LAMA1: variants seen among roughly 807,000 people sequenced by gnomAD.
LAMA1 encodes laminin subunit alpha-1.
Under a neutral mutation model 348.7 loss-of-function variants are expected in LAMA1, and 219 were observed. That is an observed-to-expected ratio of 0.63 (90% CI 0.56 to 0.70). The LOEUF is 0.70. Ranked by LOEUF, LAMA1 falls within the 30% of genes least tolerant of loss-of-function variation. The probability of loss-of-function intolerance (pLI) is 0.00; values close to 1 mark genes in which losing one functional copy is unlikely to be tolerated. For synonymous variants in LAMA1, 1,487 were observed against 1,491.0 expected, an observed-to-expected ratio of 1.00 and a Z score of 0.06; for missense variants, 3,744 against 3,888.0, an observed-to-expected ratio of 0.96 and a Z score of 0.99.
chr18:7,097,141 A>G (rs2058264588), intron 1 of LAMA1, among the ~76,000 whole-genome samples: 1 of 152,208 alleles, frequency 6.6e-6, no homozygotes, highest in African/African-American at 2.4e-5. Context: ...AGTAGGGTGC[A>G]TGCAACCGAT....
At chr18:7,018,628 C>A (rs1463167499) in intron 19 of LAMA1, among the ~76,000 whole-genome samples, 1 of 152,048 alleles carries the variant, frequency 6.6e-6, no homozygotes. Flanking sequence ...ATCTCCTGAC[C>A]TTGTGATCTG....
At position 6,978,338 on chromosome 18, in the gene LAMA1, C is replaced by T. The variant is rs545116059; in HGVS notation, c.6048G>A (p.Thr2016=). ...DKGAKTKELA[T]SASQSAVSTL... is the part of the protein sequence containing the mutation. ...TGCTCACCGCGCTCTGGCTTGCAGA[C>T]GTGGCCAGCTCTTTGGTTTTGGCTC... is the stretch of plus-strand genomic sequence containing the variant. Residue 2016 remains threonine (T), a synonymous_variant, in exon 43 of 63, where the codon ACG becomes ACA. Coordinates refer to ENST00000389658, the MANE Select transcript of LAMA1 (RefSeq NM_005559.4). 20 of 1,614,158 alleles carry T rather than the reference C, an allele frequency of 1.2e-5. No individual in the cohort carries two copies. The highest frequency in any genetic ancestry group is 1.6e-4 in the Middle Eastern group (1 of 6,062).
rs550078291 is a variant in LAMA1, at chr18:7,115,389, A to G, written c.61+2271T>C. Among the ~76,000 whole-genome samples, 13 of 152,246 alleles carry G rather than the reference A, an allele frequency of 8.5e-5. No individual in the cohort carries two copies. The South Asian group carries it at 2.1e-3, about 24-fold the overall frequency. On this transcript the variant is annotated intron_variant, in intron 1 of 62. Transcript: ENST00000389658. ...TTAACACATTATTTTTACAAACACA[A>G]TACGTCCTATTCAATACTTAGGAGG...
chr18:6,951,957 G>A (rs2057548874), intron 57 of LAMA1, among the ~76,000 whole-genome samples: 1 of 152,188 alleles, frequency 6.6e-6, no homozygotes, highest in African/African-American at 2.4e-5. Context: ...GGGGTGATGA[G>A]GCCCAGGAGA....
intron 3 of LAMA1, among the ~76,000 whole-genome samples, chr18:7,064,792 A>G (rs1344843581): frequency 6.6e-6 from 1 of 152,200 alleles, no homozygotes; most frequent in Non-Finnish European, 1.5e-5. Context: ...ATATCTTCTG[A>G]TTACATACCA....
intron 3 of LAMA1, among the ~76,000 whole-genome samples, chr18:7,060,709 A>C (rs1027550826): frequency 2.6e-5 from 4 of 152,222 alleles, no homozygotes; most frequent in Admixed American, 2.6e-4. Flanking sequence ...GGTAATCTGA[A>C]GATAGGAAAG....
chr18:7,037,902 A>G (rs750672751), intron 11 of LAMA1, 151 bp from the exon 12 acceptor site: 3 of 776,992 alleles, frequency 3.9e-6, no homozygotes, highest in Non-Finnish European at 6.5e-6. Flanking sequence ...GCTGAACCTC[A>G]TGACCCTTGA....
Position 6,992,671 on chromosome 18 carries a change from T to C in LAMA1, c.5058A>G (p.Leu1686=). Reference sequence around the variant, plus strand: ...TGTTCTGAAGAGTAGAATTGGGTAGTAGGAAATCTTCATCCAAAGTCTGAT... The same window carrying C: ...TGTTCTGAAGAGTAGAATTGGGTAGCAGGAAATCTTCATCCAAAGTCTGAT... ...TLNQTLDEDF[L]LPNSTLQNMQ... is the part of the protein sequence containing the mutation. Residue 1686 remains leucine, a synonymous_variant, in exon 36 of 63, where the codon CTA becomes CTG. Coordinates refer to ENST00000389658, the MANE Select transcript of LAMA1 (RefSeq NM_005559.4). 2.5e-6 allele frequency: 4 copies of C among 1,613,626 alleles called. No homozygotes were observed. The highest frequency in any genetic ancestry group is 3.4e-6 in the Non-Finnish European group (4 of 1,179,488).
rs766946403 is a variant in LAMA1 at position 7,035,965 on chromosome 18, G to C, written c.1839+22C>G. 7.6e-6 allele frequency: 12 copies of C among 1,587,146 alleles called. No individual in the cohort carries two copies. The Admixed American group carries it at 1.8e-4, about 24-fold the overall frequency. ...CCACTAAGCCCTAAGCTCTATAGCA[G>C]AATCAAAGCAAAAACAATCACCTTA... On this transcript the variant is annotated intron_variant, in intron 13 of 62. Transcript: ENST00000389658.
At chr18:6,947,383 C>T in intron 60 of LAMA1, 87 bp from the exon 61 acceptor site, 1 of 1,537,326 alleles carries the variant, frequency 6.5e-7, no homozygotes, top group Non-Finnish European at 8.9e-7. Context: ...GGTTGGGGGA[C>T]CTGGCTCTAG....
Position 6,943,249 on chromosome 18 carries a change from C to G in LAMA1, c.8998G>C (p.Ala3000Pro), listed in dbSNP as rs369082897. The change falls in exon 62 of 63, where the codon GCT becomes CCT. Residue 3000 changes from alanine to proline, a missense_variant. Ala to Pro is a conservative substitution (Grantham distance 27). Coordinates refer to ENST00000389658, the MANE Select transcript of LAMA1 (RefSeq NM_005559.4). ...TLIVDGNAVG[A>P]ESPHTQSTSV... ...GTAGACTGGGTGTGTGGACTTTCAG[C>G]GCCAACTGCGTTCCCGTCAACAATC... 1 of 1,614,170 alleles carries G rather than the reference C, an allele frequency of 6.2e-7. No individual in the cohort carries two copies. The highest frequency in any genetic ancestry group is 2.2e-5 in the East Asian group (1 of 44,880).
In LAMA1 at chr18:6,952,343, G is replaced by A. The variant is rs1364738496; in HGVS notation, c.8208-1372C>T. Reference sequence around the variant, plus strand: ...AGTAACTCTCTCAAGAGCAGCTGGGGGTGTGCGGGAGGCTGACCGGATGGT... The same window carrying A: ...AGTAACTCTCTCAAGAGCAGCTGGGAGTGTGCGGGAGGCTGACCGGATGGT... On this transcript the variant is annotated intron_variant, in intron 57 of 62. Coordinates refer to ENST00000389658, the MANE Select transcript of LAMA1 (RefSeq NM_005559.4). Among the ~76,000 whole-genome samples the A allele has an allele frequency of 5.9e-5, 9 of 152,318 alleles. No individual in the cohort carries two copies. In the South Asian group the frequency reaches 1.4e-3, roughly 25 times the overall value.
chr18:7,029,264 T>A (rs1478569227), intron 16 of LAMA1, among the ~76,000 whole-genome samples: 1 of 152,210 alleles, frequency 6.6e-6, no homozygotes, highest in Non-Finnish European at 1.5e-5. Context: ...TCCCAGGTGA[T>A]GCCCACACTG....
At chr18:6,997,297 C>T (rs976217717) in intron 33 of LAMA1, among the ~76,000 whole-genome samples, 23 of 152,168 alleles carry the variant, frequency 1.5e-4, no homozygotes, top group Admixed American at 4.6e-4. Context: ...CTCTTGACCT[C>T]GTGATCCACC....
At chr18:7,032,299 A>G in intron 15 of LAMA1, 123 bp from the exon 16 acceptor site, 1 of 716,558 alleles carries the variant, frequency 1.4e-6, no homozygotes, top group Non-Finnish European at 2.5e-6. Context: ...TACATGCTAC[A>G]CAATTCACCC....
chr18:7,115,708 C>G (rs1235198337), intron 1 of LAMA1, among the ~76,000 whole-genome samples: 1 of 150,498 alleles, frequency 6.6e-6, no homozygotes, highest in African/African-American at 2.4e-5. Flanking sequence ...CGGCGGCTCA[C>G]GCCTGCAAAC....
chr18:7,088,646 T>C (rs2058227256), intron 1 of LAMA1, among the ~76,000 whole-genome samples: 2 of 152,066 alleles, frequency 1.3e-5, no homozygotes, highest in Non-Finnish European at 2.9e-5. Flanking sequence ...GCCTCCCGAG[T>C]ACCTGGGGCT....
chr18:7,096,044 G>A (rs932651992), intron 1 of LAMA1, among the ~76,000 whole-genome samples: 2 of 152,252 alleles, frequency 1.3e-5, no homozygotes, highest in African/African-American at 2.4e-5. Context: ...CTCCAGCCCA[G>A]GCAACAGCGC....
chr18:7,068,257 C>T (rs962240790), intron 3 of LAMA1, among the ~76,000 whole-genome samples: 3 of 152,220 alleles, frequency 2.0e-5, no homozygotes, highest in African/African-American at 7.2e-5. Context: ...TTTTTCCCCA[C>T]CAGACCAGAA....
Sources: allele counts gnomAD v4.1 joint callset (sites outside exome capture counted in the v4.1 genomes callset), GRCh38; gene constraint gnomAD v4.1.1; transcripts MANE v1.5; gene names NCBI Gene and HGNC (gene_info 2026-07-23, HGNC 2026-07-21).